The following PIAS1 variants were observed in gnomAD, a reference collection of about 807,000 sequenced individuals.
PIAS1 encodes the protein E3 SUMO-protein ligase PIAS1.
Under a neutral mutation model 71.3 loss-of-function variants are expected in PIAS1, and 6 were observed. That is an observed-to-expected ratio of 0.08 (90% CI 0.05 to 0.17). PIAS1 has a LOEUF of 0.17. PIAS1 is among the 10% of genes least tolerant of loss of function. The pLI is 1.00. For missense variants in PIAS1, 555 were observed against 793.6 expected, an observed-to-expected ratio of 0.70 and a Z score of 3.61; for synonymous variants, 303 against 292.9, an observed-to-expected ratio of 1.03 and a Z score of -0.35.
chr15:68,085,963 C>G (rs1299298470), intron 1 of PIAS1, among the ~76,000 whole-genome samples: 1 of 152,158 alleles, frequency 6.6e-6, no homozygotes, highest in Non-Finnish European at 1.5e-5. Context: ...CTACATAGCA[C>G]TCGACATTCT....
chr15:68,137,991 A>T (rs1224760444), intron 2 of PIAS1, among the ~76,000 whole-genome samples: 1 of 151,960 alleles, frequency 6.6e-6, no homozygotes, highest in Non-Finnish European at 1.5e-5. Flanking sequence ...AATAAAAAAT[A>T]AAAAAAATTA....
At chr15:68,152,738 TC>T (rs2092856547) in intron 6 of PIAS1, among the ~76,000 whole-genome samples, 1 of 152,150 alleles carries the variant, frequency 6.6e-6, no homozygotes, top group South Asian at 2.1e-4. Context: ...CTCTTGATCT[TC>T]CTCTTGATCC....
chr15:68,064,792 A>G (rs1434612959), intron 1 of PIAS1, among the ~76,000 whole-genome samples: 2 of 152,248 alleles, frequency 1.3e-5, no homozygotes, highest in Non-Finnish European at 2.9e-5. Context: ...GAGAATCAAG[A>G]TGTCTTTATT....
rs2093033361 is a variant in PIAS1 at position 68,178,446 on chromosome 15, A to G, written c.1481+1792A>G. On this transcript the variant is annotated intron_variant, in intron 11 of 13. Transcript: ENST00000249636. This position sits in a 1 kb window ranked among gnomAD's most constrained non-coding sequence, Gnocchi z 4.2. The stretch of plus-strand genomic sequence containing the variant: ...TGAACATGACCTCTGATAAAAGCCT[A>G]TCTTGATGGCTATAACCCAGCAAGC... Among the ~76,000 whole-genome samples, 1 of 152,236 alleles carries G rather than the reference A, an allele frequency of 6.6e-6. No homozygotes were observed. Among genetic ancestry groups the G allele is most frequent in the African/African-American group, 2.4e-5 (1 of 41,468 alleles).
intron 1 of PIAS1, among the ~76,000 whole-genome samples, chr15:68,076,034 C>T (rs1320561478): frequency 6.6e-6 from 1 of 152,056 alleles, no homozygotes; most frequent in Non-Finnish European, 1.5e-5. Context: ...CTGCCCGCTG[C>T]CGCCTCCCCA....
Position 68,178,590 on chromosome 15 carries a change from T to G in PIAS1, c.1481+1936T>G, listed in dbSNP as rs1180525049. On this transcript the variant is annotated intron_variant, in intron 11 of 13. Transcript: ENST00000249636. The surrounding 1 kb of genome is among the most constrained non-coding windows in gnomAD (Gnocchi z 4.2). ...TCAATTCCAAGATATTTTGTAAATATCAAACCATAGTATGACCAAATACAC... is the reference window on the plus strand; with the variant it reads ...TCAATTCCAAGATATTTTGTAAATAGCAAACCATAGTATGACCAAATACAC... 1.3e-5 allele frequency among the ~76,000 whole-genome samples: 2 copies of G among 152,178 alleles called. No individual in the cohort carries two copies.
intron 2 of PIAS1, among the ~76,000 whole-genome samples, chr15:68,122,475 A>G (rs1016661171): frequency 1.3e-5 from 2 of 152,220 alleles, no homozygotes; most frequent in Non-Finnish European, 2.9e-5. Flanking sequence ...AACTCTGCCA[A>G]GCTAAAAGGA....
At chr15:68,140,959 G>T (rs932570388) in intron 2 of PIAS1, among the ~76,000 whole-genome samples, 1 of 152,036 alleles carries the variant, frequency 6.6e-6, no homozygotes, top group Non-Finnish European at 1.5e-5. Flanking sequence ...ATAGTATTCA[G>T]TGCTTCTTTG....
chr15:68,134,358 G>A (rs2092705021), intron 2 of PIAS1, among the ~76,000 whole-genome samples: 2 of 38,170 alleles, frequency 5.2e-5, no homozygotes, highest in East Asian at 7.5e-4. Flanking sequence ...CTGGCCGGGC[G>A]GGGGGCTGAC....
At chr15:68,176,270 C>T (rs2093019700) in intron 10 of PIAS1, among the ~76,000 whole-genome samples, 1 of 152,048 alleles carries the variant, frequency 6.6e-6, no homozygotes, top group Admixed American at 6.5e-5. Context: ...TGCTCTAATT[C>T]AGTAATTTAT....
At chr15:68,132,988 T>C (rs1023467287) in intron 2 of PIAS1, among the ~76,000 whole-genome samples, 17 of 151,950 alleles carry the variant, frequency 1.1e-4, no homozygotes, top group South Asian at 4.1e-4. Context: ...CTTTTCTTTT[T>C]TTTTTTCCGA....
At chr15:68,128,624 AAT>A in intron 2 of PIAS1, among the ~76,000 whole-genome samples, 1 of 152,322 alleles carries the variant, frequency 6.6e-6, no homozygotes, top group South Asian at 2.1e-4. Context: ...AGATTCTAAA[AAT>A]ATGACTGTTT....
At chr15:68,161,516 CA>C (rs2141073663) in intron 7 of PIAS1, among the ~76,000 whole-genome samples, 1 of 149,772 alleles carries the variant, frequency 6.7e-6, no homozygotes, top group Non-Finnish European at 1.5e-5. Flanking sequence ...TAGAAATTGG[CA>C]AACATTCTAA....
intron 6 of PIAS1, among the ~76,000 whole-genome samples, chr15:68,151,621 ACCAG>A (rs2092844265): frequency 1.3e-5 from 2 of 151,632 alleles, no homozygotes; most frequent in Non-Finnish European, 2.9e-5. Flanking sequence ...GGAGTTCAAG[ACCAG>A]CCTAGCCAAC....
chr15:68,054,344 A>T lies in PIAS1; in HGVS notation c.18A>T (p.Glu6Asp), dbSNP rs759817649. The T allele has an allele frequency of 4.4e-6, 7 of 1,577,494 alleles. No individual in the cohort carries two copies. In the Admixed American group the frequency reaches 9.1e-5, roughly 20 times the overall value. MADSAELKQMVMSLRV... is the reference protein window; with the variant it reads MADSADLKQMVMSLRV... ...GACGCAAGATGGCGGACAGTGCGGA[A>T]CTAAAGGTAAAGCGCAGCTCGAATT... Residue 6 changes from glutamate to aspartate, a missense_variant, in exon 1 of 14, where the codon GAA becomes GAT. Around this residue, in one of 5 missense-constraint regions of PIAS1, gnomAD observed 48 missense variants for 86.6 expected, o/e 0.55. Transcript: ENST00000249636. This position sits in a 1 kb window ranked among gnomAD's most constrained non-coding sequence, Gnocchi z 4.6.
At chr15:68,122,271 C>A (rs972524155) in intron 2 of PIAS1, among the ~76,000 whole-genome samples, 2 of 152,100 alleles carry the variant, frequency 1.3e-5, no homozygotes, top group Non-Finnish European at 2.9e-5. Context: ...TGTAGTTCCA[C>A]CAGAAAGACA....
chr15:68,076,039 T>TC (rs1329813682), intron 1 of PIAS1, among the ~76,000 whole-genome samples: 1 of 152,068 alleles, frequency 6.6e-6, no homozygotes, highest in East Asian at 1.9e-4. Flanking sequence ...CGCTGCCGCC[T>TC]CCCCAAAGTG....
chr15:68,165,866 A>G (rs779136309), intron 8 of PIAS1, among the ~76,000 whole-genome samples: 3 of 152,136 alleles, frequency 2.0e-5, no homozygotes, highest in Non-Finnish European at 4.4e-5. Flanking sequence ...AAAGAATGAA[A>G]GGACATGTCT....
intron 1 of PIAS1, among the ~76,000 whole-genome samples, chr15:68,080,049 C>T (rs1470433061): frequency 6.6e-6 from 1 of 152,112 alleles, no homozygotes; most frequent in Non-Finnish European, 1.5e-5. Context: ...TCAGGCTGGT[C>T]TCAAACTCCT....
Sources: allele counts gnomAD v4.1 joint callset (sites outside exome capture counted in the v4.1 genomes callset), GRCh38; gene constraint gnomAD v4.1.1; regional missense constraint gnomAD v4.1.1; non-coding constraint Gnocchi (gnomAD v3.1); transcripts MANE v1.5; gene names NCBI Gene and HGNC (gene_info 2026-07-23, HGNC 2026-07-21).